FALEC: variants seen among roughly 807,000 people sequenced by gnomAD.
FALEC encodes focally amplified lncRNA regulator of ECM1.
chr1:150,529,041 C>CAAAAAAAAAAAAAAAAAAA, the FALEC span, among the ~76,000 whole-genome samples: 45 of 58,672 alleles, frequency 7.7e-4, no homozygotes, highest in Non-Finnish European at 1.3e-3. Context: ...AAAAAAAAAT[C>CAAAAAAAAAAAAAAAAAAA]AAAGGATCTA....
the FALEC span, among the ~76,000 whole-genome samples, chr1:150,525,034 C>T: frequency 1.3e-5 from 2 of 150,156 alleles, no homozygotes; most frequent in East Asian, 1.9e-4. Context: ...CAGTGGCTCA[C>T]GCCTGTAATT....
chr1:150,517,064 C>G (rs1044812805), intron 1 of FALEC, among the ~76,000 whole-genome samples: 3 of 151,978 alleles, frequency 2.0e-5, no homozygotes, highest in African/African-American at 7.2e-5. Flanking sequence ...TTTGGGAGGT[C>G]GAGGCCAGTG....
At chr1:150,520,341 A>G (rs775188340), downstream of FALEC, among the ~76,000 whole-genome samples, 10 of 152,108 alleles carry the variant, frequency 6.6e-5, no homozygotes, top group Non-Finnish European at 1.2e-4. Context: ...CCCTCCCTTT[A>G]GCCCCTGATA....
chr1:150,531,686 A>G, the FALEC span, among the ~76,000 whole-genome samples: 1 of 152,242 alleles, frequency 6.6e-6, no homozygotes. Context: ...GAATTTGATT[A>G]GTAACTGACA....
downstream of FALEC, among the ~76,000 whole-genome samples, chr1:150,520,975 A>G (rs1670635221): frequency 6.6e-6 from 1 of 150,906 alleles, no homozygotes; most frequent in African/African-American, 2.4e-5. Context: ...CTAATTCTGT[A>G]TTTTTAGCAG....
chr1:150,524,595 A>G, the FALEC span, among the ~76,000 whole-genome samples: 1 of 152,228 alleles, frequency 6.6e-6, no homozygotes, highest in Non-Finnish European at 1.5e-5. Context: ...AGATTTGAAT[A>G]GACATTTCAT....
the FALEC span, among the ~76,000 whole-genome samples, chr1:150,534,840 CAAAA>C: frequency 2.5e-5 from 3 of 121,076 alleles, no homozygotes; most frequent in African/African-American, 3.2e-5. Context: ...GACTCTGTCT[CAAAA>C]AAAAAAAAAA....
At chr1:150,529,016 C>CAAAAAAAAAAAAAAAAAAAAAAAA in the FALEC span, among the ~76,000 whole-genome samples, 28 of 59,284 alleles carry the variant, frequency 4.7e-4, 4 homozygotes, top group Non-Finnish European at 5.6e-4. Flanking sequence ...AAATAAATAG[C>CAAAAAAAAAAAAAAAAAAAAAAAA]AAAAAAAAAA....
the FALEC span, among the ~76,000 whole-genome samples, chr1:150,523,614 A>T: frequency 1.3e-5 from 2 of 150,504 alleles, no homozygotes; most frequent in Non-Finnish European, 3.0e-5. Flanking sequence ...AGATCATGCC[A>T]CTGCACTCCA....
downstream of FALEC, among the ~76,000 whole-genome samples, chr1:150,520,959 G>A (rs587600236): frequency 6.6e-6 from 1 of 151,404 alleles, no homozygotes; most frequent in Admixed American, 6.6e-5. Flanking sequence ...CTGCCAATAC[G>A]CCTGGCTAAT....
chr1:150,529,518 G>T, the FALEC span, among the ~76,000 whole-genome samples: 1 of 152,158 alleles, frequency 6.6e-6, no homozygotes, highest in African/African-American at 2.4e-5. Context: ...GAGCCAAAAA[G>T]GCTGAAGCAT....
At chr1:150,533,255 C>T in the FALEC span, among the ~76,000 whole-genome samples, 1 of 152,102 alleles carries the variant, frequency 6.6e-6, no homozygotes, top group African/African-American at 2.4e-5. Flanking sequence ...CAGAGGGCAC[C>T]CGTGGGTGTT....
At chr1:150,529,028 A>AAAAAAAAAAAAAAAAAAAAAAAAAAC in the FALEC span, among the ~76,000 whole-genome samples, 1 of 150,972 alleles carries the variant, frequency 6.6e-6, no homozygotes, top group African/African-American at 2.4e-5. Flanking sequence ...AAAAAAAAAA[A>AAAAAAAAAAAAAAAAAAAAAAAAAAC]AAAAAAAAAA....
At chr1:150,522,243 T>C (rs1300888871), downstream of FALEC, among the ~76,000 whole-genome samples, 3 of 113,398 alleles carry the variant, frequency 2.6e-5, no homozygotes, top group Admixed American at 1.9e-4. Context: ...TGAGACTGTC[T>C]CAAAAAAAAA....
At chr1:150,534,273 C>G in the FALEC span, among the ~76,000 whole-genome samples, 161 of 152,332 alleles carry the variant, frequency 1.1e-3, no homozygotes, top group Non-Finnish European at 2.0e-3. Context: ...CTGCACTGCT[C>G]TGCAAGAGAC....
the FALEC span, among the ~76,000 whole-genome samples, chr1:150,526,925 C>A: frequency 1.4e-3 from 219 of 151,920 alleles, 3 homozygotes; most frequent in Non-Finnish European, 2.8e-3. Context: ...TGAGCCACCA[C>A]GCCTGGCCTA....
At chr1:150,533,882 G>C in the FALEC span, among the ~76,000 whole-genome samples, 3 of 152,228 alleles carry the variant, frequency 2.0e-5, no homozygotes, top group African/African-American at 7.2e-5. Context: ...TAATAAGGAT[G>C]TTCAGATGTG....
chr1:150,527,106 AT>A, the FALEC span, among the ~76,000 whole-genome samples: 3 of 145,960 alleles, frequency 2.1e-5, no homozygotes, highest in Middle Eastern at 4.1e-3. Flanking sequence ...CACCCAGCTA[AT>A]TTTTTTTATT....
At chr1:150,530,625 G>A in the FALEC span, among the ~76,000 whole-genome samples, 17 of 152,204 alleles carry the variant, frequency 1.1e-4, no homozygotes, top group African/African-American at 3.1e-4. Flanking sequence ...GCCTTGCCCC[G>A]CACTGAAGCC....
Sources: allele counts gnomAD v4.1 joint callset (sites outside exome capture counted in the v4.1 genomes callset), GRCh38; gene constraint gnomAD v4.1.1; transcripts MANE v1.5; gene names NCBI Gene and HGNC (gene_info 2026-07-23, HGNC 2026-07-21).